PTPRD: variants seen among roughly 807,000 people sequenced by gnomAD.
PTPRD encodes the protein protein tyrosine phosphatase receptor type D, also known as receptor-type tyrosine-protein phosphatase delta.
A neutral mutation model predicts 214.5 loss-of-function variants in PTPRD; 34 were observed. The observed-to-expected ratio is 0.16, with a 90% confidence interval of 0.12 to 0.21. PTPRD has a LOEUF of 0.21. Among genes scored for constraint, PTPRD ranks in the 10% least tolerant of loss-of-function variants. The pLI, the probability that PTPRD is intolerant of heterozygous loss-of-function variation, is 1.00. For missense variants in PTPRD, 2,545 were observed against 2,398.7 expected (o/e 1.06, Z -1.27); for synonymous variants, 1,128 against 845.7 (o/e 1.33, Z -5.79).
chr9:9,519,699 G>T (rs1340424153), intron 8 of PTPRD, among the ~76,000 whole-genome samples: 2 of 151,890 alleles, frequency 1.3e-5, no homozygotes, highest in African/African-American at 4.8e-5. Context: ...TGACAGGAAT[G>T]AAAGAACATA....
At position 9,108,984 on chromosome 9, in the gene PTPRD, A is replaced by T. The variant is rs575688244; in HGVS notation, c.-143+74320T>A. Among the ~76,000 whole-genome samples the T allele has an allele frequency of 2.3e-4, 35 of 152,138 alleles. No homozygotes were observed. In the South Asian group the frequency reaches 7.0e-3, roughly 31 times the overall value. ...ACTGAACCCAATTTCCCTCTCCCCCACTCTTTGCAAAGTGCTATTCGTTTA... is the reference window on the plus strand; with the variant it reads ...ACTGAACCCAATTTCCCTCTCCCCCTCTCTTTGCAAAGTGCTATTCGTTTA... On this transcript the variant is annotated intron_variant, in intron 10 of 45. Transcript: ENST00000381196.
intron 7 of PTPRD, among the ~76,000 whole-genome samples, chr9:9,677,842 C>A (rs2096967716): frequency 6.6e-6 from 1 of 152,084 alleles, no homozygotes; most frequent in African/African-American, 2.4e-5. Context: ...CCCAAAATCT[C>A]CTTAAGTTGA....
At chr9:9,683,425 C>G (rs2097111682) in intron 7 of PTPRD, among the ~76,000 whole-genome samples, 1 of 151,700 alleles carries the variant, frequency 6.6e-6, no homozygotes, top group Non-Finnish European at 1.5e-5. Flanking sequence ...CCTGGTAAAA[C>G]AGACTAGTGA....
intron 2 of PTPRD, among the ~76,000 whole-genome samples, chr9:10,437,075 A>G (rs1190884938): frequency 1.3e-5 from 2 of 151,704 alleles, no homozygotes; most frequent in African/African-American, 4.8e-5. Context: ...ACTTGACCTA[A>G]TTTTACAATT....
chr9:9,619,443 T>C (rs999151146), intron 7 of PTPRD, among the ~76,000 whole-genome samples: 12 of 149,472 alleles, frequency 8.0e-5, no homozygotes, highest in African/African-American at 2.9e-4. Flanking sequence ...TATATATCTA[T>C]ATAAGCATGT....
At chr9:8,858,842 G>T (rs866005620) in intron 11 of PTPRD, among the ~76,000 whole-genome samples, 2 of 98,554 alleles carry the variant, frequency 2.0e-5, no homozygotes, top group South Asian at 3.9e-4. Context: ...CACACACACA[G>T]ACACACAGAC....
At chr9:9,951,560 A>G (rs543462220) in intron 4 of PTPRD, among the ~76,000 whole-genome samples, 2 of 152,316 alleles carry the variant, frequency 1.3e-5, no homozygotes, top group Non-Finnish European at 2.9e-5. Context: ...GCACCCCCCA[A>G]TGTTTCTGAG....
chr9:10,539,920 T>C (rs1460823735), intron 2 of PTPRD, among the ~76,000 whole-genome samples: 7 of 152,232 alleles, frequency 4.6e-5, no homozygotes, highest in African/African-American at 1.2e-4. Context: ...CAATCATTAT[T>C]ATCATTGTAT....
chr9:9,868,898 C>A (rs912267108), intron 5 of PTPRD, among the ~76,000 whole-genome samples: 1 of 151,908 alleles, frequency 6.6e-6, no homozygotes, highest in African/African-American at 2.4e-5. Flanking sequence ...AATCAAAATT[C>A]CTTTATGTAA....
intron 3 of PTPRD, among the ~76,000 whole-genome samples, chr9:10,099,757 A>T (rs1292408334): frequency 6.6e-6 from 1 of 151,598 alleles, no homozygotes; most frequent in South Asian, 2.1e-4. Context: ...GTGGAAGTGG[A>T]GCAAACTTAT....
chr9:9,191,058 T>C (rs959385106), intron 9 of PTPRD, among the ~76,000 whole-genome samples: 2 of 152,120 alleles, frequency 1.3e-5, no homozygotes, highest in African/African-American at 4.8e-5. Flanking sequence ...CCCAGTGGCT[T>C]GTCTCTAACA....
chr9:9,859,472 T>C (rs1468700650), intron 5 of PTPRD, among the ~76,000 whole-genome samples: 1 of 152,188 alleles, frequency 6.6e-6, no homozygotes, highest in Non-Finnish European at 1.5e-5. Flanking sequence ...AAACATGCTA[T>C]ATGTTATGCA....
chr9:9,892,143 A>C (rs1460233771), intron 5 of PTPRD, among the ~76,000 whole-genome samples: 1 of 152,140 alleles, frequency 6.6e-6, no homozygotes, highest in Admixed American at 6.6e-5. Flanking sequence ...AAAAAAGTAC[A>C]ATTTATTTTA....
At chr9:8,777,868 C>T (rs1321763377) in intron 11 of PTPRD, among the ~76,000 whole-genome samples, 6 of 152,126 alleles carry the variant, frequency 3.9e-5, no homozygotes, top group African/African-American at 1.4e-4. Flanking sequence ...ATTGTAGTTT[C>T]ACATGAAATC....
chr9:10,278,711 T>A (rs117172947), intron 3 of PTPRD, among the ~76,000 whole-genome samples: 1 of 152,160 alleles, frequency 6.6e-6, no homozygotes, highest in Non-Finnish European at 1.5e-5. Flanking sequence ...TGCCAATCCG[T>A]AAGTTTGAAT....
intron 12 of PTPRD, among the ~76,000 whole-genome samples, chr9:8,711,494 T>C (rs184303202): frequency 1.3e-5 from 2 of 152,314 alleles, no homozygotes; most frequent in Admixed American, 1.3e-4. Context: ...CATAATCTTA[T>C]ATTACTCAAA....
intron 4 of PTPRD, among the ~76,000 whole-genome samples, chr9:10,030,024 G>T (rs1380880770): frequency 6.6e-6 from 1 of 152,072 alleles, no homozygotes; most frequent in African/African-American, 2.4e-5. Context: ...GAAAGAGTGG[G>T]ATTTCACTGA....
chr9:9,203,246 C>G (rs1369771236), intron 9 of PTPRD, among the ~76,000 whole-genome samples: 1 of 151,940 alleles, frequency 6.6e-6, no homozygotes, highest in Non-Finnish European at 1.5e-5. Flanking sequence ...CACACACACA[C>G]AAACACACAC....
intron 4 of PTPRD, among the ~76,000 whole-genome samples, chr9:9,986,005 G>C (rs940813668): frequency 2.0e-5 from 3 of 152,086 alleles, no homozygotes; most frequent in Non-Finnish European, 4.4e-5. Context: ...TGGGGAATAA[G>C]GAGGACAGCT....
Sources: allele counts gnomAD v4.1 joint callset (sites outside exome capture counted in the v4.1 genomes callset), GRCh38; gene constraint gnomAD v4.1.1; transcripts MANE v1.5; gene names NCBI Gene and HGNC (gene_info 2026-07-23, HGNC 2026-07-21).